GPR158: variants seen among roughly 807,000 people sequenced by gnomAD.
GPR158 encodes the protein metabotropic glycine receptor.
GPR158 carries 30 observed loss-of-function variants against 78.2 expected under a neutral mutation model. The observed-to-expected ratio is 0.38, with a 90% CI of 0.29 to 0.52. GPR158 has a LOEUF of 0.52. GPR158 is among the 20% of genes least tolerant of loss of function. The pLI, the probability that GPR158 is intolerant of heterozygous loss-of-function variation, is 0.83. For synonymous variants in GPR158, 581 were observed against 591.1 expected (o/e 0.98, Z 0.25); for missense variants, 1,463 against 1,523.5 (o/e 0.96, Z 0.66).
At chr10:25,255,342 T>G (rs1415484971) in intron 2 of GPR158, among the ~76,000 whole-genome samples, 1 of 152,220 alleles carries the variant, frequency 6.6e-6, no homozygotes, top group Non-Finnish European at 1.5e-5. Context: ...GCTGTGTTAG[T>G]TTTGTATTGC....
At chr10:25,294,442 G>A (rs1406254348) in intron 2 of GPR158, among the ~76,000 whole-genome samples, 1 of 152,066 alleles carries the variant, frequency 6.6e-6, no homozygotes, top group Non-Finnish European at 1.5e-5. Flanking sequence ...GTTCATAAAG[G>A]CATCCTTTTG....
chr10:25,456,083 C>T (rs534137477), intron 4 of GPR158, among the ~76,000 whole-genome samples: 1 of 152,228 alleles, frequency 6.6e-6, no homozygotes, highest in East Asian at 1.9e-4. Flanking sequence ...ACCCTACAAC[C>T]CTTTATAGTC....
chr10:25,522,773 A>T (rs1049332889), intron 5 of GPR158, among the ~76,000 whole-genome samples: 2 of 152,228 alleles, frequency 1.3e-5, no homozygotes, highest in Non-Finnish European at 2.9e-5. Flanking sequence ...CTCTAGAGAA[A>T]GTAGAAGACA....
chr10:25,451,320 G>A (rs1835213216), intron 4 of GPR158, among the ~76,000 whole-genome samples: 2 of 152,168 alleles, frequency 1.3e-5, no homozygotes, highest in Non-Finnish European at 2.9e-5. Flanking sequence ...ATTTTAATCA[G>A]TGATTGACAG....
chr10:25,555,880 A>G (rs375282789), intron 6 of GPR158, among the ~76,000 whole-genome samples: 2 of 152,176 alleles, frequency 1.3e-5, no homozygotes, highest in African/African-American at 4.8e-5. Flanking sequence ...TCTGGGTACA[A>G]CCCTTAGCTG....
Position 25,597,984 on chromosome 10 carries a change from C to T in GPR158, c.2358C>T (p.Ala786=), listed in dbSNP as rs750818249. The T allele has an allele frequency of 3.2e-5, 51 of 1,614,060 alleles. No individual in the cohort carries two copies. Among genetic ancestry groups the T allele is most frequent in the Non-Finnish European group, 4.2e-5 (49 of 1,179,978 alleles). The change falls in exon 11 of 11, where the codon GCC becomes GCT. Residue 786 remains alanine, a synonymous_variant. Transcript: ENST00000376351. ...GADHGTAKGT[A]LIRKNPPESS... ...ACCATGGCACAGCCAAAGGCACTGC[C>T]CTCATCAGGAAGAACCCCCCAGAGT... is the stretch of plus-strand genomic sequence containing the variant.
intron 2 of GPR158, among the ~76,000 whole-genome samples, chr10:25,315,534 A>G (rs1423304313): frequency 6.6e-6 from 1 of 152,084 alleles, no homozygotes; most frequent in Non-Finnish European, 1.5e-5. Flanking sequence ...TCTTGAACTA[A>G]ATTGAAAAAT....
At chr10:25,467,310 A>G (rs998821560) in intron 5 of GPR158, among the ~76,000 whole-genome samples, 5 of 152,176 alleles carry the variant, frequency 3.3e-5, no homozygotes, top group African/African-American at 7.2e-5. Flanking sequence ...CTTAGAGACA[A>G]TAGATGACAG....
intron 2 of GPR158, among the ~76,000 whole-genome samples, chr10:25,314,757 A>T (rs988306312): frequency 3.3e-5 from 5 of 149,406 alleles, no homozygotes; most frequent in African/African-American, 1.2e-4. Context: ...CAAGTTTACG[A>T]CTATAAATTG....
At position 25,175,564 on chromosome 10, in the gene GPR158, G is replaced by A; in HGVS notation, c.144G>A (p.Gln48=). 6.2e-7 allele frequency: 1 copy of A among 1,610,846 alleles called. No individual in the cohort carries two copies. The highest frequency in any genetic ancestry group is 8.5e-7 in the Non-Finnish European group (1 of 1,179,808). Residue 48 remains glutamine, a synonymous_variant, in exon 1 of 11, where the codon CAG becomes CAA. Coordinates refer to ENST00000376351, the MANE Select transcript of GPR158 (RefSeq NM_020752.3). This position sits in a 1 kb window ranked among gnomAD's most constrained non-coding sequence, Gnocchi z 6.4. ...RTPKGKPHAQ[Q]PGRASASDSS... is the part of the protein sequence containing the mutation. The stretch of plus-strand genomic sequence containing the variant: ...CGAAGGGGAAGCCGCACGCCCAGCA[G>A]CCGGGTCGAGCCTCTGCCTCGGACT...
chr10:25,301,918 G>A (rs1854601327), intron 2 of GPR158, among the ~76,000 whole-genome samples: 1 of 152,040 alleles, frequency 6.6e-6, no homozygotes, highest in African/African-American at 2.4e-5. Context: ...GGCAACTGCT[G>A]GTCTGATTTC....
intron 2 of GPR158, among the ~76,000 whole-genome samples, chr10:25,329,847 T>G (rs1031373094): frequency 2.0e-5 from 3 of 152,122 alleles, no homozygotes; most frequent in Admixed American, 6.5e-5. Flanking sequence ...GCGTCTATAC[T>G]TGCAGTGAGT....
At chr10:25,239,077 G>A (rs1026881445) in intron 2 of GPR158, among the ~76,000 whole-genome samples, 1 of 152,174 alleles carries the variant, frequency 6.6e-6, no homozygotes, top group Non-Finnish European at 1.5e-5. Context: ...TTGGGAGGGA[G>A]GATGTGGAGA....
At chr10:25,483,601 G>C (rs761267838) in intron 5 of GPR158, among the ~76,000 whole-genome samples, 1 of 151,816 alleles carries the variant, frequency 6.6e-6, no homozygotes, top group Non-Finnish European at 1.5e-5. Context: ...CACCTCACCC[G>C]AGAATTTAAA....
intron 2 of GPR158, among the ~76,000 whole-genome samples, chr10:25,390,836 G>A (rs1166513464): frequency 6.6e-6 from 1 of 152,250 alleles, no homozygotes; most frequent in Non-Finnish European, 1.5e-5. Flanking sequence ...GGTGAAAAAT[G>A]TCTGTAGGGC....
chr10:25,599,460 T>A lies in GPR158; in HGVS notation c.*186T>A. The A allele has an allele frequency of 1.7e-6, 1 of 574,628 alleles. No homozygotes were observed. Among genetic ancestry groups the A allele is most frequent in the Non-Finnish European group, 3.1e-6 (1 of 326,146 alleles). 35.6% of individuals were successfully genotyped at this position (574,628 alleles called of 1,614,324 possible). A position where few individuals can be genotyped will look rare whatever the true frequency, so the allele number is the denominator to read the frequency against. Reference sequence around the variant, plus strand: ...GAGCAACAACGTCATAATGGAGAAGTCAGACTTTGGTCAAGAAAGTCCTTC... The same window carrying A: ...GAGCAACAACGTCATAATGGAGAAGACAGACTTTGGTCAAGAAAGTCCTTC... On this transcript the variant is annotated 3_prime_UTR_variant, in exon 11 of 11. Coordinates refer to ENST00000376351, the MANE Select transcript of GPR158 (RefSeq NM_020752.3).
chr10:25,492,968 T>C (rs552384505), intron 5 of GPR158, among the ~76,000 whole-genome samples: 1 of 151,546 alleles, frequency 6.6e-6, no homozygotes, highest in African/African-American at 2.4e-5. Context: ...CTTTTCAATA[T>C]TTGAAAATGA....
chr10:25,313,367 T>G (rs7896559), intron 2 of GPR158, among the ~76,000 whole-genome samples: 30,688 of 151,708 alleles, frequency 0.2, 5,239 homozygotes, highest in African/African-American at 0.47. Context: ...CCTGCACGTT[T>G]TGCACATGTA....
intron 2 of GPR158, among the ~76,000 whole-genome samples, chr10:25,290,331 AG>A (rs1260625917): frequency 6.6e-6 from 1 of 152,204 alleles, no homozygotes; most frequent in African/African-American, 2.4e-5. Context: ...TAATAAACTA[AG>A]CAAAATTTGC....
Sources: allele counts gnomAD v4.1 joint callset (sites outside exome capture counted in the v4.1 genomes callset), GRCh38; gene constraint gnomAD v4.1.1; non-coding constraint Gnocchi (gnomAD v3.1); transcripts MANE v1.5; gene names NCBI Gene and HGNC (gene_info 2026-07-23, HGNC 2026-07-21).